Variants in MACROD2 observed in about 807,000 individuals in gnomAD.
MACROD2 encodes ADP-ribose glycohydrolase MACROD2.
A neutral mutation model predicts 70.4 loss-of-function variants in MACROD2; 36 were observed. The observed-to-expected ratio is 0.51, with a 90% CI of 0.39 to 0.68. The LOEUF is 0.68. Among genes scored for constraint, MACROD2 ranks in the 30% least tolerant of loss-of-function variants. The probability of loss-of-function intolerance (pLI) is 0.00; values close to 1 mark genes in which losing one functional copy is unlikely to be tolerated. For synonymous variants in MACROD2, 172 were observed against 178.8 expected (o/e 0.96, Z 0.30); for missense variants, 496 against 538.4 (o/e 0.92, Z 0.78).
chr20:14,526,743 C>A (rs917579114), intron 4 of MACROD2, among the ~76,000 whole-genome samples: 7 of 152,120 alleles, frequency 4.6e-5, no homozygotes, highest in African/African-American at 1.4e-4. Context: ...CTGCTGAAAC[C>A]TCTAGGGGAG....
chr20:15,012,276 T>G (rs2075088546), intron 5 of MACROD2, among the ~76,000 whole-genome samples: 2 of 152,130 alleles, frequency 1.3e-5, no homozygotes, highest in East Asian at 3.9e-4. Context: ...CCACTGAAGT[T>G]TTGCATCAAA....
At chr20:15,747,381 A>G (rs1167367295) in intron 8 of MACROD2, among the ~76,000 whole-genome samples, 1 of 152,102 alleles carries the variant, frequency 6.6e-6, no homozygotes, top group Non-Finnish European at 1.5e-5. Flanking sequence ...TCTCAGGTAA[A>G]CGTTTGGTAA....
intron 5 of MACROD2, among the ~76,000 whole-genome samples, chr20:14,854,033 C>T (rs1026467463): frequency 6.6e-6 from 1 of 152,056 alleles, no homozygotes; most frequent in Non-Finnish European, 1.5e-5. Context: ...ATTAGGTCAG[C>T]ATTAGGGGCT....
At chr20:14,385,390 A>T (rs941109739) in intron 3 of MACROD2, among the ~76,000 whole-genome samples, 1 of 152,018 alleles carries the variant, frequency 6.6e-6, no homozygotes, top group Non-Finnish European at 1.5e-5. Context: ...TGTGATTCAT[A>T]GTTTAAAATG....
At chr20:14,342,881 C>T (rs1206583389) in intron 3 of MACROD2, among the ~76,000 whole-genome samples, 1 of 152,068 alleles carries the variant, frequency 6.6e-6, no homozygotes, top group African/African-American at 2.4e-5. Flanking sequence ...GCCTGCCTGC[C>T]TGCTTGCCCA....
intron 3 of MACROD2, among the ~76,000 whole-genome samples, chr20:14,380,391 C>T (rs1005305975): frequency 3.3e-5 from 5 of 152,004 alleles, no homozygotes; most frequent in African/African-American, 7.2e-5. Context: ...GAGTGTCCTT[C>T]GGTACACAGA....
At chr20:15,998,162 G>C (rs1461537473) in intron 15 of MACROD2, among the ~76,000 whole-genome samples, 1 of 152,230 alleles carries the variant, frequency 6.6e-6, no homozygotes, top group South Asian at 2.1e-4. Context: ...TTTCTATCTA[G>C]CTTTGGTATC....
intron 6 of MACROD2, among the ~76,000 whole-genome samples, chr20:15,319,669 A>C (rs1191741736): frequency 6.6e-6 from 1 of 152,210 alleles, no homozygotes; most frequent in Non-Finnish European, 1.5e-5. Context: ...GAACAACAGG[A>C]ACTCAATCAA....
chr20:15,869,238 T>TATATATATAGAG, intron 9 of MACROD2, among the ~76,000 whole-genome samples: 62 of 28,286 alleles, frequency 2.2e-3, no homozygotes, highest in Non-Finnish European at 3.5e-3. Flanking sequence ...TATATATATA[T>TATATATATAGAG]AGAGAGAGAG....
intron 2 of MACROD2, among the ~76,000 whole-genome samples, chr20:14,085,145 G>A (rs2054061456): frequency 8.9e-6 from 1 of 112,030 alleles, no homozygotes; most frequent in Non-Finnish European, 1.8e-5. Context: ...CAGCCTGGGC[G>A]ATAGAGTGAG....
intron 8 of MACROD2, among the ~76,000 whole-genome samples, chr20:15,618,167 C>T (rs1271552859): frequency 7.1e-6 from 1 of 140,306 alleles, no homozygotes; most frequent in Non-Finnish European, 1.5e-5. Context: ...TCTTGGGGCT[C>T]CCCACACTCA....
intron 5 of MACROD2, among the ~76,000 whole-genome samples, chr20:15,045,921 C>T (rs967491095): frequency 5.3e-5 from 8 of 151,828 alleles, no homozygotes; most frequent in Admixed American, 1.3e-4. Context: ...TCTGCTGGCT[C>T]GCCTCTCCAC....
chr20:15,961,216 T>G (rs1336040900), intron 12 of MACROD2, among the ~76,000 whole-genome samples: 1 of 152,126 alleles, frequency 6.6e-6, no homozygotes, highest in African/African-American at 2.4e-5. Context: ...GCCCATGATT[T>G]CGCCTCAGTT....
chr20:15,819,384 G>GATAACATATATAACATAT lies in MACROD2; in HGVS notation c.646-43348_646-43347insCATATATAACATATATAA, dbSNP rs1277535503. On this transcript the variant is annotated intron_variant, in intron 8 of 17. Transcript: ENST00000684519. ...ATATAAATAAATAAATATAAATATAGATAACATATATAAAATATTTATATA... is the reference window on the plus strand; with the variant it reads ...ATATAAATAAATAAATATAAATATAGATAACATATATAACATATATAACATATATAAAATATTTATATA... Among the ~76,000 whole-genome samples, 28 of 137,016 alleles carry GATAACATATATAACATAT rather than the reference G, an allele frequency of 2.0e-4. No individual in the cohort carries two copies. In the South Asian group the frequency reaches 5.4e-3, roughly 26 times the overall value. The allele number at this position is 137,016 out of a possible 152,430, so 89.9% of individuals were successfully genotyped here. A position where few individuals can be genotyped will look rare whatever the true frequency, so the allele number is the denominator to read the frequency against.
chr20:15,039,114 C>T (rs1450269231), intron 5 of MACROD2, among the ~76,000 whole-genome samples: 1 of 151,944 alleles, frequency 6.6e-6, no homozygotes, highest in East Asian at 1.9e-4. Flanking sequence ...AGCTTTCAGA[C>T]ACAAAGAACC....
chr20:14,587,443 C>T (rs1890311032), intron 4 of MACROD2, among the ~76,000 whole-genome samples: 1 of 151,640 alleles, frequency 6.6e-6, no homozygotes, highest in African/African-American at 2.4e-5. Context: ...TATATAGCAG[C>T]ATATCACTAA....
chr20:15,933,449 T>A, intron 11 of MACROD2, 111 bp downstream of exon 11: 8 of 965,718 alleles, frequency 8.3e-6, no homozygotes, highest in Non-Finnish European at 1.2e-5. Flanking sequence ...CCAGATGAAC[T>A]CCAGTGTTCA....
At chr20:16,010,558 A>G (rs2066849663) in intron 15 of MACROD2, among the ~76,000 whole-genome samples, 1 of 152,230 alleles carries the variant, frequency 6.6e-6, no homozygotes, top group South Asian at 2.1e-4. Flanking sequence ...CAACCTTATT[A>G]CATCAAACTG....
chr20:15,114,264 T>C (rs2123229606), intron 5 of MACROD2, among the ~76,000 whole-genome samples: 1 of 152,332 alleles, frequency 6.6e-6, no homozygotes, highest in East Asian at 1.9e-4. Context: ...TCCCCTCCTC[T>C]TGAGTTTGGG....
Sources: gnomAD v4.1 joint callset for allele counts (sites outside exome capture counted in the v4.1 genomes callset) on GRCh38, gnomAD v4.1.1 for gene constraint, MANE v1.5 for transcripts, NCBI Gene and HGNC (gene_info 2026-07-23, HGNC 2026-07-21) for gene names.